The following GNA14 variants were observed in gnomAD, a reference collection of about 807,000 sequenced individuals.
The protein encoded by GNA14 is guanine nucleotide-binding protein subunit alpha-14.
GNA14 carries 50 observed loss-of-function variants against 42.0 expected under a neutral mutation model. The ratio of observed to expected loss-of-function variants is 1.19; its 90% CI spans 0.95 to 1.51. GNA14 has a LOEUF of 1.51. Ranked by LOEUF, GNA14 falls within the 40% of genes most tolerant of loss-of-function variation. The pLI is 0.00. For missense variants in GNA14, 473 were observed against 446.2 expected (o/e 1.06, Z -0.54); for synonymous variants, 173 against 163.1 (o/e 1.06, Z -0.46).
chr9:77,630,024 A>AAATGTGAT (rs1156618654), intron 1 of GNA14, among the ~76,000 whole-genome samples: 1 of 152,212 alleles, frequency 6.6e-6, no homozygotes, highest in Non-Finnish European at 1.5e-5. Flanking sequence ...TAACAGTAAT[A>AAATGTGAT]AATGTGATTA....
At chr9:77,541,561 G>A (rs1483417936) in intron 1 of GNA14, among the ~76,000 whole-genome samples, 2 of 152,098 alleles carry the variant, frequency 1.3e-5, no homozygotes, top group African/African-American at 4.8e-5. Context: ...TGAGCCCCCT[G>A]TATCTGGATG....
chr9:77,514,897 G>A (rs1407500273), intron 2 of GNA14, among the ~76,000 whole-genome samples: 2 of 152,186 alleles, frequency 1.3e-5, no homozygotes, highest in Non-Finnish European at 2.9e-5. Context: ...ACAGGCATGA[G>A]CCACTGCGCC....
intron 1 of GNA14, among the ~76,000 whole-genome samples, chr9:77,640,266 G>C (rs768215818): frequency 2.0e-4 from 30 of 152,210 alleles, no homozygotes; most frequent in Non-Finnish European, 3.5e-4. Context: ...CCTGGTGACA[G>C]TCCTTCCGAT....
chr9:77,425,447 G>A lies in GNA14; in HGVS notation c.877+115C>T, dbSNP rs1027474292. The A allele has an allele frequency of 4.5e-6, 3 of 672,652 alleles. No individual in the cohort carries two copies. In the African/African-American group the frequency reaches 5.5e-5, roughly 12 times the overall value. The allele number at this position is 672,652 out of a possible 1,614,324, so 41.7% of individuals were successfully genotyped here. On this transcript the variant is annotated intron_variant, in intron 6 of 6. Transcript: ENST00000341700. The stretch of plus-strand genomic sequence containing the variant: ...CTGTTTGAAGGTGGGAATAGGGGGA[G>A]AGGCTATTGCAGGCAGACCAGGGAG...
intron 2 of GNA14, among the ~76,000 whole-genome samples, chr9:77,439,836 AAG>A (rs1325185724): frequency 3.9e-5 from 6 of 152,136 alleles, no homozygotes; most frequent in African/African-American, 9.7e-5. Context: ...ATCTCAGGGA[AAG>A]AGAGGACAAA....
At chr9:77,617,753 C>T (rs1475051419) in intron 1 of GNA14, among the ~76,000 whole-genome samples, 1 of 152,116 alleles carries the variant, frequency 6.6e-6, no homozygotes, top group Non-Finnish European at 1.5e-5. Context: ...TCCTGTTCTT[C>T]CTCAAACCCA....
chr9:77,603,193 TCTC>T (rs1823595012), intron 1 of GNA14, among the ~76,000 whole-genome samples: 1 of 152,162 alleles, frequency 6.6e-6, no homozygotes, highest in Non-Finnish European at 1.5e-5. Flanking sequence ...CCAGAGATCA[TCTC>T]CTACTGTTCC....
At chr9:77,632,088 G>C (rs923149896) in intron 1 of GNA14, among the ~76,000 whole-genome samples, 39 of 151,926 alleles carry the variant, frequency 2.6e-4, no homozygotes, top group African/African-American at 9.2e-4. Flanking sequence ...CTATACCCTT[G>C]GCAGCCCAGG....
chr9:77,565,639 G>T (rs1197295518), intron 1 of GNA14, among the ~76,000 whole-genome samples: 1 of 152,146 alleles, frequency 6.6e-6, no homozygotes, highest in East Asian at 1.9e-4. Context: ...TGCATTCTTA[G>T]TAGAGATGGG....
At chr9:77,553,033 T>C (rs766899756) in intron 1 of GNA14, among the ~76,000 whole-genome samples, 2 of 152,172 alleles carry the variant, frequency 1.3e-5, no homozygotes, top group Non-Finnish European at 2.9e-5. Flanking sequence ...TGACATGACC[T>C]GCTGGAAAAA....
At chr9:77,435,542 A>T (rs1835628510) in intron 2 of GNA14, among the ~76,000 whole-genome samples, 1 of 151,972 alleles carries the variant, frequency 6.6e-6, no homozygotes, top group South Asian at 2.1e-4. Flanking sequence ...CACACCACTG[A>T]TTATTATATT....
chr9:77,484,135 A>T (rs1245747470), intron 2 of GNA14, among the ~76,000 whole-genome samples: 1 of 152,236 alleles, frequency 6.6e-6, no homozygotes, highest in East Asian at 1.9e-4. Context: ...ACTGGAACAC[A>T]GTAAAGAGGT....
At chr9:77,498,462 A>G (rs932692416) in intron 2 of GNA14, among the ~76,000 whole-genome samples, 2 of 151,974 alleles carry the variant, frequency 1.3e-5, no homozygotes, top group African/African-American at 4.8e-5. Context: ...ATTTAATAAC[A>G]TGCTTTGAAT....
At chr9:77,451,781 A>G (rs1187734606) in intron 2 of GNA14, among the ~76,000 whole-genome samples, 1 of 152,192 alleles carries the variant, frequency 6.6e-6, no homozygotes, top group East Asian at 1.9e-4. Context: ...CTTTGTTGTA[A>G]TCAGGTGCAT....
At chr9:77,447,787 G>A (rs1468266676) in intron 2 of GNA14, among the ~76,000 whole-genome samples, 2 of 152,148 alleles carry the variant, frequency 1.3e-5, no homozygotes, top group African/African-American at 4.8e-5. Context: ...AAGTCTTATG[G>A]GCCAGGTCTG....
At chr9:77,630,058 C>A (rs1481977864) in intron 1 of GNA14, among the ~76,000 whole-genome samples, 1 of 150,514 alleles carries the variant, frequency 6.6e-6, no homozygotes. Context: ...CATTTAGAAA[C>A]AATATTAGAA....
At chr9:77,545,953 G>A (rs1564050313) in intron 1 of GNA14, among the ~76,000 whole-genome samples, 1 of 152,092 alleles carries the variant, frequency 6.6e-6, no homozygotes, top group Non-Finnish European at 1.5e-5. Flanking sequence ...AATAATTTAA[G>A]AATTATCTAA....
chr9:77,619,883 C>G (rs960851561), intron 1 of GNA14, among the ~76,000 whole-genome samples: 2 of 152,098 alleles, frequency 1.3e-5, no homozygotes, highest in East Asian at 3.9e-4. Context: ...AAGTACCAGT[C>G]AGACTACCAA....
At chr9:77,574,109 A>G (rs1339507144) in intron 1 of GNA14, among the ~76,000 whole-genome samples, 1 of 152,212 alleles carries the variant, frequency 6.6e-6, no homozygotes, top group African/African-American at 2.4e-5. Context: ...GTTCAAGACC[A>G]GCCTGGGCAA....
Sources: gnomAD v4.1 joint callset for allele counts (sites outside exome capture counted in the v4.1 genomes callset) on GRCh38, gnomAD v4.1.1 for gene constraint, MANE v1.5 for transcripts, NCBI Gene and HGNC (gene_info 2026-07-23, HGNC 2026-07-21) for gene names.